Variants in NUP93 observed in about 807,000 individuals in gnomAD.
The protein encoded by NUP93 is nuclear pore complex protein Nup93.
NUP93 carries 55 observed loss-of-function variants against 107.8 expected under a neutral mutation model. That is an observed-to-expected ratio of 0.51 (90% CI 0.41 to 0.64). The LOEUF (loss-of-function observed/expected upper bound fraction) is 0.64. Among genes scored for constraint, NUP93 ranks in the 30% least tolerant of loss-of-function variants. The probability of loss-of-function intolerance (pLI) is 0.00; values close to 1 mark genes in which losing one functional copy is unlikely to be tolerated. For missense variants in NUP93, 937 were observed against 1,044.7 expected (o/e 0.90, Z 1.42); for synonymous variants, 390 against 397.5 (o/e 0.98, Z 0.22).
chr16:56,808,077 A>C (rs1406614907), intron 5 of NUP93, among the ~76,000 whole-genome samples: 6 of 140,710 alleles, frequency 4.3e-5, no homozygotes, highest in East Asian at 2.0e-4. Context: ...ATATATAAAT[A>C]TAAAAATATA....
chr16:56,823,706 G>T lies in NUP93; in HGVS notation c.655-1G>T. 1 of 1,613,984 alleles carries T rather than the reference G, an allele frequency of 6.2e-7. No homozygotes were observed. Among genetic ancestry groups the T allele is most frequent in the South Asian group, 1.1e-5 (1 of 91,034 alleles). On this transcript the variant is annotated splice_acceptor_variant, in intron 7 of 21. Transcript: ENST00000308159. LOFTEE classifies it high-confidence loss of function. ...TCACATGCAGTTTCATTTATGTGCA[G>T]AGCATTTCCGACATGTGGACCATGG...
chr16:56,755,721 A>G (rs1467645398), intron 2 of NUP93, among the ~76,000 whole-genome samples: 1 of 152,106 alleles, frequency 6.6e-6, no homozygotes, highest in Non-Finnish European at 1.5e-5. Context: ...GTGAAAATAC[A>G]AAAATTAGCT....
chr16:56,815,902 C>CTGCTGCTGCTGCTGCTGCTGCTGG (rs879095616), intron 5 of NUP93, among the ~76,000 whole-genome samples: 112 of 133,196 alleles, frequency 8.4e-4, no homozygotes, highest in Admixed American at 4.7e-3. Flanking sequence ...GCTGCTGGTG[C>CTGCTGCTGCTGCTGCTGCTGCTGG]TGCTGCTGCT....
chr16:56,760,847 G>A (rs2144486084), intron 3 of NUP93, among the ~76,000 whole-genome samples: 1 of 152,172 alleles, frequency 6.6e-6, no homozygotes, highest in African/African-American at 2.4e-5. Flanking sequence ...ACAGGGGGAG[G>A]CTGAGGCAGG....
Position 56,849,517 on chromosome 16 carries a change from C to T in NUP93, c.*4908C>T, listed in dbSNP as rs1214292404. The T allele has an allele frequency of 3.3e-5, 5 of 152,194 alleles. No individual in the cohort carries two copies. Among genetic ancestry groups the T allele is most frequent in the African/African-American group, 1.2e-4 (5 of 41,440 alleles). The allele number at this position is 152,194 out of a possible 1,614,324, so 9.4% of individuals were successfully genotyped here. A position where few individuals can be genotyped will look rare whatever the true frequency, so the allele number is the denominator to read the frequency against. On this transcript the variant is annotated 3_prime_UTR_variant, in exon 22 of 22. Coordinates refer to ENST00000308159, the MANE Select transcript of NUP93 (RefSeq NM_014669.5). ...GAGTCAGTGATCCCAGAGGGGACTT[C>T]AGCATCAGGACATATGCTTTGGTGG...
chr16:56,734,702 T>C (rs994441498), intron 1 of NUP93, among the ~76,000 whole-genome samples: 1 of 152,170 alleles, frequency 6.6e-6, no homozygotes, highest in African/African-American at 2.4e-5. Flanking sequence ...CTCATGTATA[T>C]ATGAATAAAT....
intron 3 of NUP93, among the ~76,000 whole-genome samples, chr16:56,786,085 T>C (rs1286253318): frequency 2.0e-5 from 3 of 152,156 alleles, no homozygotes; most frequent in Admixed American, 1.3e-4. Context: ...TTTGTGGGTT[T>C]TAGTTATTTT....
intron 1 of NUP93, among the ~76,000 whole-genome samples, chr16:56,735,543 C>T (rs570978095): frequency 1.3e-5 from 2 of 152,230 alleles, no homozygotes; most frequent in East Asian, 3.9e-4. Context: ...GGGCAACAGC[C>T]GTGTCAGAAA....
intron 2 of NUP93, among the ~76,000 whole-genome samples, chr16:56,757,975 G>A (rs1308296624): frequency 6.6e-6 from 1 of 152,064 alleles, no homozygotes; most frequent in Non-Finnish European, 1.5e-5. Context: ...GGAGGCTGAG[G>A]CAGGAGAATC....
chr16:56,834,537 T>C (rs1963871617), intron 15 of NUP93, 95 bp downstream of exon 15: 1 of 1,346,208 alleles, frequency 7.4e-7, no homozygotes, highest in Non-Finnish European at 1.0e-6. Flanking sequence ...ATGGTTGTGG[T>C]GGATAAGGCC....
At position 56,826,542 on chromosome 16, in the gene NUP93, A is replaced by G. The variant is rs8044274; in HGVS notation, c.795-2435A>G. ...AAAAAAAAAAAAAAAACAACTTCCA[A>G]TGATGGGGAACTCATTAACATTTGT... On this transcript the variant is annotated intron_variant, in intron 8 of 21. Coordinates refer to ENST00000308159, the MANE Select transcript of NUP93 (RefSeq NM_014669.5). 4.3e-3 allele frequency among the ~76,000 whole-genome samples: 651 copies of G among 151,592 alleles called. 5 individuals carry two copies. The highest frequency in any genetic ancestry group is 0.014 in the African/African-American group (598 of 41,342).
intron 1 of NUP93, among the ~76,000 whole-genome samples, chr16:56,740,215 C>T (rs1231503459): frequency 9.5e-5 from 14 of 146,654 alleles, no homozygotes; most frequent in African/African-American, 3.5e-4. Context: ...CGGAGAGGCT[C>T]CTCACTTCTC....
In NUP93 at chr16:56,806,686, T is replaced by G. The variant is rs929678943; in HGVS notation, c.489+1054T>G. 9.2e-5 allele frequency among the ~76,000 whole-genome samples: 14 copies of G among 152,164 alleles called. 1 individual carries two copies. The highest frequency in any genetic ancestry group is 2.7e-4 in the African/African-American group (11 of 41,432). On this transcript the variant is annotated intron_variant, in intron 5 of 21. Coordinates refer to ENST00000308159, the MANE Select transcript of NUP93 (RefSeq NM_014669.5). Reference sequence around the variant, plus strand: ...TTGTGCTGCTCACAACATGATAGCTTGCTTCCCCTAGAACAAGAGGGAATG... The same window carrying G: ...TTGTGCTGCTCACAACATGATAGCTGGCTTCCCCTAGAACAAGAGGGAATG...
chr16:56,732,650 A>C (rs969893794), intron 1 of NUP93, among the ~76,000 whole-genome samples: 1 of 152,186 alleles, frequency 6.6e-6, no homozygotes, highest in Non-Finnish European at 1.5e-5. Flanking sequence ...GATGTAGAAA[A>C]TAAGGTTGAC....
At position 56,823,841 on chromosome 16, in the gene NUP93, G is replaced by T. The variant is rs8056371; in HGVS notation, c.789G>T (p.Glu263Asp). ...EFVRQALAYL[E>D]QSYKNYTLVT... The stretch of plus-strand genomic sequence containing the variant: ...TCAGGCAGGCCTTGGCGTACCTTGA[G>T]CAGAGGTAAGGCAGCAGTAGCACAG... Residue 263 changes from glutamate (E) to aspartate (D), a missense_variant, in exon 8 of 22, where the codon GAG becomes GAT. Transcript: ENST00000308159. 1.2e-6 allele frequency: 2 copies of T among 1,613,738 alleles called. No homozygotes were observed. Among genetic ancestry groups the T allele is most frequent in the South Asian group, 2.2e-5 (2 of 91,082 alleles).
chr16:56,797,353 T>C (rs1302068301), intron 3 of NUP93, among the ~76,000 whole-genome samples: 1 of 152,222 alleles, frequency 6.6e-6, no homozygotes, highest in Non-Finnish European at 1.5e-5. Flanking sequence ...GAGTTCTTCA[T>C]ATTACAACTA....
At position 56,845,659 on chromosome 16, in the gene NUP93, G is replaced by C. The variant is rs7205421; in HGVS notation, c.*1050G>C. ...ATGGGCCAACTGGAGCCTTGAGACAGTGGGCAGTGGTCTGCTCTGCTGGTT... is the reference window on the plus strand; with the variant it reads ...ATGGGCCAACTGGAGCCTTGAGACACTGGGCAGTGGTCTGCTCTGCTGGTT... On this transcript the variant is annotated 3_prime_UTR_variant, in exon 22 of 22. Transcript: ENST00000308159. The C allele has an allele frequency of 0.55, 84,219 of 151,912 alleles. 23,515 individuals carry two copies. Among genetic ancestry groups the C allele is most frequent in the African/African-American group, 0.58 (23,872 of 41,424 alleles). 9.4% of individuals were successfully genotyped at this position (151,912 alleles called of 1,614,324 possible). A position where few individuals can be genotyped will look rare whatever the true frequency, so the allele number is the denominator to read the frequency against.
At chr16:56,804,821 A>G (rs1287817630) in intron 4 of NUP93, among the ~76,000 whole-genome samples, 1 of 150,458 alleles carries the variant, frequency 6.6e-6, no homozygotes, top group African/African-American at 2.5e-5. Flanking sequence ...CAGGAAAATC[A>G]CTTGAACCGT....
chr16:56,825,939 G>A (rs983666957), intron 8 of NUP93, among the ~76,000 whole-genome samples: 1 of 152,210 alleles, frequency 6.6e-6, no homozygotes, highest in South Asian at 2.1e-4. Context: ...TTCAAGTGAT[G>A]TAATGCACCA....
Sources: allele counts gnomAD v4.1 joint callset (sites outside exome capture counted in the v4.1 genomes callset), GRCh38; gene constraint gnomAD v4.1.1; transcripts MANE v1.5; gene names NCBI Gene and HGNC (gene_info 2026-07-23, HGNC 2026-07-21).